Variants in RRP9 observed in about 807,000 individuals in gnomAD.
RRP9 encodes ribosomal RNA processing 9, U3 small nucleolar RNA binding protein.
RRP9 carries 35 observed loss-of-function variants against 65.5 expected under a neutral mutation model. The observed-to-expected ratio is 0.53, with a 90% CI of 0.41 to 0.71. The LOEUF is 0.71. RRP9 is among the 30% of genes least tolerant of loss of function. The pLI is 0.00. For synonymous variants in RRP9, 254 were observed against 245.0 expected (o/e 1.04, Z -0.34); for missense variants, 533 against 633.6 (o/e 0.84, Z 1.70).
chr3:51,939,556 G>A (rs1026567622), intron 2 of RRP9, among the ~76,000 whole-genome samples: 4 of 152,226 alleles, frequency 2.6e-5, no homozygotes, highest in African/African-American at 9.7e-5. Flanking sequence ...GGAGGGTGAT[G>A]AAACTCTTTA....
In RRP9 at chr3:51,941,845, C is replaced by G. The variant is rs373215221; in HGVS notation, c.23G>C (p.Arg8Pro). MSATAAA[R>P]KRGKPASGAG... ...CCCAGAGGCCGGCTTTCCCCGCTTA[C>G]GAGCAGCCGCTGTTGCCGACATGCT... The change falls in exon 1 of 15, where the codon CGT becomes CCT. Residue 8 changes from arginine (R) to proline (P), a missense_variant. Physicochemically the swap from Arg to Pro is moderately radical, Grantham distance 103 (BLOSUM62 -2). This residue lies in a region of RRP9 where 77 missense variants were observed against 60.5 expected (regional missense o/e 1.27). Transcript: ENST00000232888. 8.8e-6 allele frequency: 14 copies of G among 1,582,764 alleles called. No homozygotes were observed. In the African/African-American group the frequency reaches 1.1e-4, roughly 12 times the overall value.
rs113421043 is a variant in RRP9, at chr3:51,938,988, C to T, written c.171-784G>A. On this transcript the variant is annotated intron_variant, in intron 2 of 14. Transcript: ENST00000232888. ...GCTTTCCCCTCCATGCCCCAGCCCCCGGACCAGCTGAGAGTACTCACTTCA... is the reference window on the plus strand; with the variant it reads ...GCTTTCCCCTCCATGCCCCAGCCCCTGGACCAGCTGAGAGTACTCACTTCA... Among the ~76,000 whole-genome samples the T allele has an allele frequency of 3.7e-3, 571 of 152,284 alleles. 4 individuals carry two copies. Among genetic ancestry groups the T allele is most frequent in the African/African-American group, 0.013 (524 of 41,540 alleles).
intron 2 of RRP9, 132 bp downstream of exon 2, chr3:51,941,277 G>A (rs992722912): frequency 2.2e-5 from 18 of 825,102 alleles, no homozygotes; most frequent in African/African-American, 3.4e-5. Flanking sequence ...GAAACTAAAG[G>A]AAACAGCCAC....
intron 11 of RRP9, 119 bp downstream of exon 11, chr3:51,935,078 T>C: frequency 2.8e-6 from 3 of 1,073,238 alleles, no homozygotes; most frequent in Non-Finnish European, 1.4e-6. Flanking sequence ...TCCTCATCCA[T>C]GAAAAGAGGT....
chr3:51,935,171 C>A (rs1196136296), intron 11 of RRP9, 26 bp downstream of exon 11: 1 of 1,611,896 alleles, frequency 6.2e-7, no homozygotes, highest in Admixed American at 1.7e-5. Context: ...GAAGCCGTGG[C>A]CAGAGACATC....
chr3:51,935,287 GC>G (rs1371181099), intron 10 of RRP9, 28 bp from the exon 11 acceptor site: 2 of 1,614,104 alleles, frequency 1.2e-6, no homozygotes, highest in South Asian at 2.2e-5. Context: ...GAGGAGCGTG[GC>G]CCAAGCCCAC....
At chr3:51,933,827 A>T (rs777363050) in intron 13 of RRP9, 46 bp from the exon 14 acceptor site, 2 of 1,563,320 alleles carry the variant, frequency 1.3e-6, no homozygotes. Context: ...GCCCCCCGCC[A>T]CCACCGTCCT....
At chr3:51,933,666 A>G in intron 14 of RRP9, 42 bp downstream of exon 14, 1 of 1,612,346 alleles carries the variant, frequency 6.2e-7, no homozygotes, top group Non-Finnish European at 8.5e-7. Flanking sequence ...CGAGCTGTCC[A>G]GCCTGCACCA....
Position 51,933,559 on chromosome 3 carries a change from C to T in RRP9, c.1375G>A (p.Val459Ile), listed in dbSNP as rs765524674. 3.7e-6 allele frequency: 6 copies of T among 1,613,998 alleles called. No individual in the cohort carries two copies. The South Asian group carries it at 6.6e-5, about 18-fold the overall frequency. ...ACCCTGCGGAGTGGGATGATGCAGA[C>T]AGAATTCCGAGCCTCTTTGATTCTC... Reference protein sequence around the residue: ...WWRIKEARNSVCIIPLRRVPV... With the variant: ...WWRIKEARNSICIIPLRRVPV... The change falls in exon 15 of 15, where the codon GTC becomes ATC. Residue 459 changes from valine to isoleucine, a missense_variant. Around this residue, in one of 3 missense-constraint regions of RRP9, gnomAD observed 449 missense variants for 550.6 expected, o/e 0.82. Transcript: ENST00000232888.
At chr3:51,938,544 C>T (rs1160946900) in intron 2 of RRP9, among the ~76,000 whole-genome samples, 1 of 152,144 alleles carries the variant, frequency 6.6e-6, no homozygotes, top group East Asian at 1.9e-4. Context: ...GGCATCTCAA[C>T]AGCAATACTG....
chr3:51,941,553 G>GCC lies in RRP9; in HGVS notation c.88-64_88-63dup, dbSNP rs5848937. 7,863 of 1,289,160 alleles carry GCC rather than the reference G, an allele frequency of 6.1e-3. 279 individuals are homozygous for GCC. In the African/African-American group the frequency reaches 0.1, roughly 17 times the overall value. 79.9% of individuals were successfully genotyped at this position (1,289,160 alleles called of 1,614,324 possible). A position where few individuals can be genotyped will look rare whatever the true frequency, so the allele number is the denominator to read the frequency against. ...CAGACCACCCTGGCATTGACCAAGGGCCCCCCCCCCTCGGTTCCCTCAGAA... is the reference window on the plus strand; with the variant it reads ...CAGACCACCCTGGCATTGACCAAGGGCCCCCCCCCCCCTCGGTTCCCTCAGAA... On this transcript the variant is annotated intron_variant, in intron 1 of 14. Transcript: ENST00000232888.
chr3:51,935,657 G>A lies in RRP9; in HGVS notation c.771C>T (p.Tyr257=), dbSNP rs1437183146. 6.2e-6 allele frequency: 10 copies of A among 1,614,098 alleles called. No individual in the cohort carries two copies. Among genetic ancestry groups the A allele is most frequent in the Middle Eastern group, 3.3e-4 (2 of 6,084 alleles). The part of the protein sequence containing the change: ...LAFRRGTHQL[Y]STSHDRSVKV... ...TCACGGAGCGATCGTGGGATGTGCT[G>A]TAGAGCTGGTGGGTGCCTCTGCGGA... The change falls in exon 9 of 15, where the codon TAC becomes TAT. Residue 257 remains tyrosine, a synonymous_variant. Transcript: ENST00000232888.
chr3:51,941,529 A>G (rs747619900), intron 1 of RRP9, 38 bp from the exon 2 acceptor site: 2 of 1,571,310 alleles, frequency 1.3e-6, no homozygotes, highest in Non-Finnish European at 1.8e-6. Context: ...TCAGGGGTCC[A>G]GACCACCCTG....
rs1384480826 is a variant in RRP9 at position 51,934,585 on chromosome 3, C to T, written c.1181-34G>A. ...ACTGGAACAGTGAGCAACCCCTGCA[C>T]CGGCCCACCCGGCGACCCCTCCTCC... On this transcript the variant is annotated intron_variant, in intron 12 of 14. Coordinates refer to ENST00000232888, the MANE Select transcript of RRP9 (RefSeq NM_004704.5). This position sits in a 1 kb window ranked among gnomAD's most constrained non-coding sequence, Gnocchi z 4.1. 1 of 1,613,496 alleles carries T rather than the reference C, an allele frequency of 6.2e-7. No individual in the cohort carries two copies. The highest frequency in any genetic ancestry group is 1.3e-5 in the African/African-American group (1 of 74,912).
chr3:51,937,130 C>G lies in RRP9; in HGVS notation c.517+62G>C. ...TCAGCCTGCCATGACCACTCCCACT[C>G]CCCTGACCAGCCCTCCCGGATCCGC... On this transcript the variant is annotated intron_variant, in intron 6 of 14. Transcript: ENST00000232888. The surrounding 1 kb of genome is among the most constrained non-coding windows in gnomAD (Gnocchi z 5.0). 6.3e-7 allele frequency: 1 copy of G among 1,598,066 alleles called. No homozygotes were observed.
At position 51,936,219 on chromosome 3, in the gene RRP9, C is replaced by T. The variant is rs145644162; in HGVS notation, c.735+38G>A. Reference sequence around the variant, plus strand: ...ACTGAGCCTAGAACACTAGCATGTGCCCACTAAAGATCCACTGACATAGAC... The same window carrying T: ...ACTGAGCCTAGAACACTAGCATGTGTCCACTAAAGATCCACTGACATAGAC... On this transcript the variant is annotated intron_variant, in intron 8 of 14. Coordinates refer to ENST00000232888, the MANE Select transcript of RRP9 (RefSeq NM_004704.5). The T allele has an allele frequency of 4.3e-4, 678 of 1,571,268 alleles. 1 individual carries two copies. The highest frequency in any genetic ancestry group is 5.5e-4 in the Non-Finnish European group (624 of 1,140,820).
intron 2 of RRP9, among the ~76,000 whole-genome samples, chr3:51,938,671 T>C (rs777473371): frequency 2.0e-5 from 3 of 152,124 alleles, no homozygotes; most frequent in African/African-American, 7.2e-5. Flanking sequence ...CAAGGTGCCA[T>C]GGAATTTTCT....
At chr3:51,941,575 A>G in intron 1 of RRP9, 84 bp from the exon 2 acceptor site, 1 of 1,340,142 alleles carries the variant, frequency 7.5e-7, no homozygotes, top group Non-Finnish European at 1.1e-6. Context: ...CGGTTCCCTC[A>G]GAACCCCAGG....
intron 1 of RRP9, 125 bp from the exon 2 acceptor site, chr3:51,941,616 C>G: frequency 8.8e-7 from 1 of 1,132,034 alleles, no homozygotes; most frequent in Non-Finnish European, 1.3e-6. Context: ...CCGGGTTAAG[C>G]GAACGGCTTT....
Sources: allele counts gnomAD v4.1 joint callset (sites outside exome capture counted in the v4.1 genomes callset), GRCh38; gene constraint gnomAD v4.1.1; regional missense constraint gnomAD v4.1.1; non-coding constraint Gnocchi (gnomAD v3.1); transcripts MANE v1.5; gene names NCBI Gene and HGNC (gene_info 2026-07-23, HGNC 2026-07-21).